Variants in MATR3 observed in about 807,000 individuals in gnomAD.
MATR3 encodes matrin-3.
MATR3 carries 4 observed loss-of-function variants against 85.5 expected under a neutral mutation model. The ratio of observed to expected loss-of-function variants is 0.05; its 90% CI spans 0.02 to 0.11. MATR3 has a LOEUF of 0.11. Among genes scored for constraint, MATR3 ranks in the 10% least tolerant of loss-of-function variants. The pLI is 1.00. For synonymous variants in MATR3, 336 were observed against 343.1 expected (o/e 0.98, Z 0.23); for missense variants, 685 against 1,016.1 (o/e 0.67, Z 4.43).
At position 139,322,939 on chromosome 5, in the gene MATR3, C is replaced by T. The variant is rs1228960452; in HGVS notation, c.2120C>T (p.Ser707Leu). 3.1e-6 allele frequency: 5 copies of T among 1,613,968 alleles called. No individual in the cohort carries two copies. The highest frequency in any genetic ancestry group is 4.2e-6 in the Non-Finnish European group (5 of 1,179,982). ...GCTGTGAAAAAAGATGGAAGTGCTT[C>T]AGCAGCAGCAAAGAAAAAGCTTAAA... ...DKAVKKDGSA[S>L]AAAKKKLKKV... is the part of the protein sequence containing the mutation. The change falls in exon 12 of 15, where the codon TCA becomes TTA. Residue 707 changes from serine to leucine, a missense_variant. By Grantham distance (145) the Ser-to-Leu change is moderately radical. Transcript: ENST00000394805.
chr5:139,327,321 T>A (rs1050976480), intron 14 of MATR3, among the ~76,000 whole-genome samples: 12 of 151,326 alleles, frequency 7.9e-5, no homozygotes, highest in East Asian at 5.8e-4. Context: ...TTTTTTTTTT[T>A]AAATGTAACT....
intron 3 of MATR3, chr5:139,285,325 C>CA (rs1431279589): frequency 1.3e-5 from 2 of 152,146 alleles, no homozygotes; most frequent in East Asian, 3.8e-4. Context: ...CAGAACAAAA[C>CA]ATAGTCTTTT....
At chr5:139,274,963 T>C (rs962407413) in intron 1 of MATR3, among the ~76,000 whole-genome samples, 1 of 151,628 alleles carries the variant, frequency 6.6e-6, no homozygotes, top group African/African-American at 2.4e-5. Context: ...TATTATCATT[T>C]GTGCAAACAT....
At chr5:139,314,833 A>G (rs143904661) in intron 3 of MATR3, 97 bp downstream of exon 3, 45 of 1,057,938 alleles carry the variant, frequency 4.3e-5, no homozygotes, top group Admixed American at 5.5e-5. Flanking sequence ...AATATCCACA[A>G]TGTTAATATC....
intron 1 of MATR3, among the ~76,000 whole-genome samples, chr5:139,296,227 T>G (rs1382701811): frequency 3.9e-5 from 6 of 152,248 alleles, no homozygotes; most frequent in Non-Finnish European, 4.4e-5. Flanking sequence ...GGGAATCTGC[T>G]AATTCTGTTG....
chr5:139,321,777 T>C (rs1581255187), intron 9 of MATR3, 121 bp from the exon 10 acceptor site: 2 of 939,086 alleles, frequency 2.1e-6, no homozygotes, highest in Non-Finnish European at 3.2e-6. Flanking sequence ...AGTGAGACCC[T>C]GTCTCAAAAA....
intron 3 of MATR3, chr5:139,279,436 C>T (rs948715333): frequency 4.3e-6 from 1 of 231,248 alleles, no homozygotes; most frequent in Admixed American, 5.1e-5. Context: ...ACCATATTGG[C>T]CAGGCTGGTC....
intron 10 of MATR3, 87 bp downstream of exon 10, chr5:139,322,116 A>G: frequency 7.0e-7 from 1 of 1,431,044 alleles, no homozygotes; most frequent in Non-Finnish European, 9.8e-7. Context: ...TTTGTATGCT[A>G]AAAATACAGG....
At chr5:139,293,883 G>A in intron 1 of MATR3, 78 bp downstream of exon 1, 1 of 879,056 alleles carries the variant, frequency 1.1e-6, no homozygotes, top group Non-Finnish European at 1.5e-6. Context: ...CAACGACGGC[G>A]ACAGGGGCTG....
chr5:139,280,240 T>C (rs1011692090), intron 3 of MATR3, among the ~76,000 whole-genome samples: 1 of 152,232 alleles, frequency 6.6e-6, no homozygotes, highest in Non-Finnish European at 1.5e-5. Flanking sequence ...TTTTCAATGA[T>C]TTACAAATTT....
rs74353104 is a variant in MATR3 at position 139,294,362 on chromosome 5, C to T, written c.-178+557C>T. On this transcript the variant is annotated intron_variant, in intron 1 of 14. Coordinates refer to ENST00000394805, the MANE Select transcript of MATR3 (RefSeq NM_018834.6). ...CCCCCAAAATGGAGGATTTCGCAGA[C>T]TCTGAAGAGCCTGCTTGTTTGAGCA... Among the ~76,000 whole-genome samples the T allele has an allele frequency of 0.031, 4,685 of 152,234 alleles. 476 individuals carry two copies. The East Asian group carries it at 0.35, about 11-fold the overall frequency.
At chr5:139,321,679 G>T in intron 9 of MATR3, 1 of 556,966 alleles carries the variant, frequency 1.8e-6, no homozygotes, top group Non-Finnish European at 3.2e-6. Flanking sequence ...AGCTACTGGG[G>T]GGCTAAGGTG....
intron 9 of MATR3, among the ~76,000 whole-genome samples, 186 bp downstream of exon 9, chr5:139,319,687 A>C (rs1755440058): frequency 6.6e-6 from 1 of 151,652 alleles, no homozygotes; most frequent in South Asian, 2.1e-4. Flanking sequence ...ATCTCTATTA[A>C]AAATACAAAA....
At chr5:139,327,013 C>T (rs1397592556) in intron 14 of MATR3, among the ~76,000 whole-genome samples, 1 of 152,036 alleles carries the variant, frequency 6.6e-6, no homozygotes, top group Non-Finnish European at 1.5e-5. Flanking sequence ...ATATAAAGAT[C>T]AAAAGCATAA....
intron 3 of MATR3, among the ~76,000 whole-genome samples, chr5:139,287,225 A>G (rs1216947182): frequency 3.3e-5 from 5 of 152,236 alleles, no homozygotes; most frequent in Non-Finnish European, 5.9e-5. Context: ...TTGTGGTGTC[A>G]AAGTATATGT....
chr5:139,296,651 T>C (rs1402833984), intron 1 of MATR3, among the ~76,000 whole-genome samples: 1 of 152,238 alleles, frequency 6.6e-6, no homozygotes, highest in African/African-American at 2.4e-5. Context: ...TTGTGTAACA[T>C]TTTGGATATT....
In MATR3 at chr5:139,330,889, C is replaced by G. The variant is rs1018169266; in HGVS notation, c.*1494C>G. The stretch of plus-strand genomic sequence containing the variant: ...TCTCTGCAACCTCAGCCTTTGGGCT[C>G]AAATGACCCTCCTACCTCAGTCTCC... On this transcript the variant is annotated 3_prime_UTR_variant, in exon 15 of 15. Coordinates refer to ENST00000394805, the MANE Select transcript of MATR3 (RefSeq NM_018834.6). 6.6e-6 allele frequency: 3 copies of G among 453,968 alleles called. No individual in the cohort carries two copies. The Admixed American group carries it at 7.0e-5, about 11-fold the overall frequency. The allele number at this position is 453,968 out of a possible 1,614,324, so 28.1% of individuals were successfully genotyped here.
At chr5:139,288,598 AAAT>A (rs1753778765) in intron 3 of MATR3, among the ~76,000 whole-genome samples, 1 of 152,174 alleles carries the variant, frequency 6.6e-6, no homozygotes, top group African/African-American at 2.4e-5. Context: ...CCCTCCAAAA[AAAT>A]TTTGTCTTTC....
intron 12 of MATR3, among the ~76,000 whole-genome samples, chr5:139,324,110 C>T (rs780391470): frequency 6.6e-6 from 1 of 152,038 alleles, no homozygotes; most frequent in Non-Finnish European, 1.5e-5. Context: ...TAATGCCATA[C>T]GTTTTTCTAA....
Sources: gnomAD v4.1 joint callset for allele counts (sites outside exome capture counted in the v4.1 genomes callset) on GRCh38, gnomAD v4.1.1 for gene constraint, MANE v1.5 for transcripts, NCBI Gene and HGNC (gene_info 2026-07-23, HGNC 2026-07-21) for gene names.